The following JAM2 variants were observed in gnomAD, a reference collection of about 807,000 sequenced individuals.
JAM2 encodes junctional adhesion molecule 2, also known as junctional adhesion molecule B.
Under a neutral mutation model 42.0 loss-of-function variants are expected in JAM2, and 17 were observed. The observed-to-expected ratio is 0.40, with a 90% CI of 0.28 to 0.61. The LOEUF (loss-of-function observed/expected upper bound fraction) is 0.61, where lower values mean the gene tolerates loss of function less well. JAM2 is among the 20% of genes least tolerant of loss of function. JAM2 has a pLI of 0.37. For synonymous variants in JAM2, 118 were observed against 128.6 expected (o/e 0.92, Z 0.56); for missense variants, 319 against 358.3 (o/e 0.89, Z 0.89).
At chr21:25,675,276 A>C (rs1465360560) in intron 1 of JAM2, among the ~76,000 whole-genome samples, 1 of 152,140 alleles carries the variant, frequency 6.6e-6, no homozygotes, top group Non-Finnish European at 1.5e-5. Flanking sequence ...TGGGCAGATC[A>C]CTTGAGACCA....
chr21:25,659,332 C>G (rs577460364), intron 1 of JAM2, among the ~76,000 whole-genome samples: 3 of 151,064 alleles, frequency 2.0e-5, no homozygotes, highest in African/African-American at 4.9e-5. Flanking sequence ...TATTATTATA[C>G]GTCATGCATT....
intron 5 of JAM2, among the ~76,000 whole-genome samples, chr21:25,699,270 T>G (rs2034107470): frequency 6.6e-6 from 1 of 152,198 alleles, no homozygotes; most frequent in Admixed American, 6.5e-5. Flanking sequence ...CTCTGGCTCT[T>G]TAAAGGAAAT....
At chr21:25,672,877 C>A (rs924055096) in intron 1 of JAM2, among the ~76,000 whole-genome samples, 2 of 152,180 alleles carry the variant, frequency 1.3e-5, no homozygotes, top group Non-Finnish European at 2.9e-5. Context: ...TAAGGAGAAG[C>A]AATTAGAACA....
intron 1 of JAM2, among the ~76,000 whole-genome samples, chr21:25,665,904 G>A (rs1474938852): frequency 6.6e-6 from 1 of 152,072 alleles, no homozygotes; most frequent in Non-Finnish European, 1.5e-5. Context: ...GCCAGGCGTG[G>A]TGGTGCATGC....
rs943701865 is a variant in JAM2 at position 25,706,124 on chromosome 21, T to C, written c.805+38T>C. On this transcript the variant is annotated intron_variant, in intron 7 of 9. Coordinates refer to ENST00000480456, the MANE Select transcript of JAM2 (RefSeq NM_021219.4). ...CACCCTTCTTTGGCAGATAACTTTCTATGGCTATGGAGTTTATTTATGAGA... is the reference window on the plus strand; with the variant it reads ...CACCCTTCTTTGGCAGATAACTTTCCATGGCTATGGAGTTTATTTATGAGA... The C allele has an allele frequency of 5.7e-6, 7 of 1,237,614 alleles. 1 individual carries two copies. In the South Asian group the frequency reaches 7.2e-5, roughly 13 times the overall value. The allele number at this position is 1,237,614 out of a possible 1,614,324, so 76.7% of individuals were successfully genotyped here.
chr21:25,665,907 G>A (rs2033206636), intron 1 of JAM2, among the ~76,000 whole-genome samples: 1 of 152,048 alleles, frequency 6.6e-6, no homozygotes, highest in Non-Finnish European at 1.5e-5. Flanking sequence ...AGGCGTGGTG[G>A]TGCATGCCTG....
At chr21:25,676,800 T>A (rs547692345) in intron 1 of JAM2, among the ~76,000 whole-genome samples, 1 of 152,308 alleles carries the variant, frequency 6.6e-6, no homozygotes, top group East Asian at 1.9e-4. Flanking sequence ...ATACCTAACA[T>A]CTGCTAGTGA....
At chr21:25,661,779 C>A (rs2033095508) in intron 1 of JAM2, among the ~76,000 whole-genome samples, 1 of 152,058 alleles carries the variant, frequency 6.6e-6, no homozygotes, top group African/African-American at 2.4e-5. Flanking sequence ...ACATGTATTT[C>A]ATCACTGCAC....
At chr21:25,641,264 CA>C (rs1205773525) in intron 1 of JAM2, among the ~76,000 whole-genome samples, 1 of 152,158 alleles carries the variant, frequency 6.6e-6, no homozygotes, top group Non-Finnish European at 1.5e-5. Context: ...TTCTAAATTT[CA>C]AATAGAAAAG....
chr21:25,692,246 CA>C, intron 3 of JAM2: 1 of 156,646 alleles, frequency 6.4e-6, no homozygotes. Flanking sequence ...CATTAACAAA[CA>C]AAGGAAAAGT....
Position 25,639,821 on chromosome 21 carries a change from G to A in JAM2, c.-1G>A. ...GAGCAGCCGGCTGCCGCCCCGGGAA[G>A]ATGGCGAGGAGGAGCCGCCACCGCC... is the stretch of plus-strand genomic sequence containing the variant. On this transcript the variant is annotated 5_prime_UTR_variant, in exon 1 of 10. Coordinates refer to ENST00000480456, the MANE Select transcript of JAM2 (RefSeq NM_021219.4). 6.3e-7 allele frequency: 1 copy of A among 1,582,040 alleles called. No homozygotes were observed. Among genetic ancestry groups the A allele is most frequent in the Non-Finnish European group, 8.6e-7 (1 of 1,167,090 alleles).
At chr21:25,680,131 C>A (rs1262155196) in intron 1 of JAM2, among the ~76,000 whole-genome samples, 1 of 152,202 alleles carries the variant, frequency 6.6e-6, no homozygotes, top group African/African-American at 2.4e-5. Flanking sequence ...GGTCCTTGTC[C>A]TCTAAGTTAC....
intron 1 of JAM2, among the ~76,000 whole-genome samples, chr21:25,654,793 A>G (rs1193303209): frequency 6.6e-6 from 1 of 152,224 alleles, no homozygotes; most frequent in Non-Finnish European, 1.5e-5. Flanking sequence ...AGATGCACAA[A>G]TTAAATGACA....
chr21:25,693,900 A>G lies in JAM2; in HGVS notation c.386A>G (p.Glu129Gly). 6.2e-7 allele frequency: 1 copy of G among 1,614,126 alleles called. No individual in the cohort carries two copies. Among genetic ancestry groups the G allele is most frequent in the Non-Finnish European group, 8.5e-7 (1 of 1,179,998 alleles). The change falls in exon 4 of 10, where the codon GAA becomes GGA. Residue 129 changes from glutamate to glycine, a missense_variant. Glu to Gly is a moderately conservative substitution (Grantham distance 98, BLOSUM62 -2). Transcript: ENST00000480456. ...QNLEEDTVTLEVLVAPAVPSC... is the reference protein window; with the variant it reads ...QNLEEDTVTLGVLVAPAVPSC... The stretch of plus-strand genomic sequence containing the variant: ...CTGGAAGAGGATACAGTCACTCTGG[A>G]AGTATTAGGTGATGTGCATGTATGT...
chr21:25,639,875 G>T lies in JAM2; in HGVS notation c.54G>T (p.Val18=). Residue 18 remains valine, a synonymous_variant, in exon 1 of 10, where the codon GTG becomes GTT. Coordinates refer to ENST00000480456, the MANE Select transcript of JAM2 (RefSeq NM_021219.4). Reference sequence around the variant, plus strand: ...TCCTGCTGCTGCTGCGCTACCTGGTGGTCGCCCTGGGCTGTAAGTTGCTCG... The same window carrying T: ...TCCTGCTGCTGCTGCGCTACCTGGTTGTCGCCCTGGGCTGTAAGTTGCTCG... ...RLLLLLLRYL[V]VALGYHKAYG... 6.3e-7 allele frequency: 1 copy of T among 1,591,684 alleles called. No individual in the cohort carries two copies. Among genetic ancestry groups the T allele is most frequent in the Non-Finnish European group, 8.5e-7 (1 of 1,170,036 alleles).
chr21:25,696,633 G>A (rs542957110), intron 4 of JAM2, among the ~76,000 whole-genome samples: 5 of 152,170 alleles, frequency 3.3e-5, no homozygotes, highest in Non-Finnish European at 7.4e-5. Flanking sequence ...TCACAAGGCT[G>A]AAATAAAGGT....
intron 1 of JAM2, among the ~76,000 whole-genome samples, chr21:25,652,397 GA>G (rs975675047): frequency 1.4e-5 from 2 of 147,444 alleles, no homozygotes; most frequent in East Asian, 2.0e-4. Flanking sequence ...GTCTCTAAAA[GA>G]AAAAAAAAGA....
intron 5 of JAM2, among the ~76,000 whole-genome samples, chr21:25,700,273 T>C (rs2034137542): frequency 6.6e-6 from 1 of 151,916 alleles, no homozygotes; most frequent in Admixed American, 6.5e-5. Context: ...AGTTTAAAAT[T>C]GTCTGCCTTC....
chr21:25,703,936 A>G (rs1467361111), intron 6 of JAM2, among the ~76,000 whole-genome samples: 1 of 152,192 alleles, frequency 6.6e-6, no homozygotes, highest in Non-Finnish European at 1.5e-5. Flanking sequence ...TTCACTGAAG[A>G]AAAATAACAT....
Sources: allele counts gnomAD v4.1 joint callset (sites outside exome capture counted in the v4.1 genomes callset), GRCh38; gene constraint gnomAD v4.1.1; transcripts MANE v1.5; gene names NCBI Gene and HGNC (gene_info 2026-07-23, HGNC 2026-07-21).